The following CSMD1 variants were observed in gnomAD, a reference collection of about 807,000 sequenced individuals.
CSMD1 encodes the protein CUB and sushi domain-containing protein 1.
CSMD1 carries 213 observed loss-of-function variants against 417.5 expected under a neutral mutation model. The observed-to-expected ratio is 0.51, with a 90% CI of 0.46 to 0.57. The LOEUF (loss-of-function observed/expected upper bound fraction) is 0.57. Ranked by LOEUF, CSMD1 falls within the 20% of genes least tolerant of loss-of-function variation. The pLI is 0.00. For synonymous variants in CSMD1, 2,862 were observed against 1,736.8 expected (o/e 1.65, Z -16.11); for missense variants, 6,923 against 4,529.7 (o/e 1.53, Z -15.17).
At chr8:4,791,090 G>GACGGTGAGAAGAA (rs1245801530) in intron 1 of CSMD1, among the ~76,000 whole-genome samples, 2 of 147,790 alleles carry the variant, frequency 1.4e-5, no homozygotes, top group African/African-American at 4.9e-5. Context: ...CGGTGAGAGA[G>GACGGTGAGAAGAA]ACGGTGAGAA....
intron 3 of CSMD1, among the ~76,000 whole-genome samples, chr8:4,212,136 C>A (rs980650498): frequency 2.0e-5 from 3 of 150,740 alleles, no homozygotes; most frequent in Admixed American, 6.6e-5. Flanking sequence ...GAAGAAGTGT[C>A]CTTTATTATG....
At chr8:3,968,865 A>G (rs780630774) in intron 5 of CSMD1, among the ~76,000 whole-genome samples, 17 of 152,230 alleles carry the variant, frequency 1.1e-4, no homozygotes, top group Non-Finnish European at 2.2e-4. Context: ...ATCACACATC[A>G]TCTTTTCTTG....
intron 7 of CSMD1, among the ~76,000 whole-genome samples, chr8:3,674,305 C>T (rs992524191): frequency 6.6e-6 from 1 of 152,092 alleles, no homozygotes; most frequent in Non-Finnish European, 1.5e-5. Context: ...CCCAAAATAC[C>T]ACATTCTTTG....
intron 11 of CSMD1, among the ~76,000 whole-genome samples, chr8:3,492,575 G>A (rs984178389): frequency 6.6e-6 from 1 of 152,228 alleles, no homozygotes; most frequent in African/African-American, 2.4e-5. Flanking sequence ...AAAACAGAGA[G>A]GAAGTACACC....
chr8:4,880,653 A>G (rs1481294948), intron 1 of CSMD1, among the ~76,000 whole-genome samples: 1 of 152,050 alleles, frequency 6.6e-6, no homozygotes, highest in Non-Finnish European at 1.5e-5. Flanking sequence ...CGATGAAGCA[A>G]TCGGAAGTGG....
intron 3 of CSMD1, among the ~76,000 whole-genome samples, chr8:4,174,186 G>T (rs1444189200): frequency 6.6e-6 from 1 of 152,150 alleles, no homozygotes. Context: ...TTAAACTACT[G>T]AGGAAAACCC....
At chr8:4,788,503 A>G (rs1563387091) in intron 1 of CSMD1, 1 of 1,370,154 alleles carries the variant, frequency 7.3e-7, no homozygotes, top group Non-Finnish European at 1.0e-6. Context: ...ACCATTTAGT[A>G]TGGAGCAAAC....
intron 2 of CSMD1, among the ~76,000 whole-genome samples, chr8:4,593,845 T>C (rs567039275): frequency 4.6e-5 from 7 of 152,168 alleles, no homozygotes; most frequent in Non-Finnish European, 8.8e-5. Flanking sequence ...TTTGCTAAGA[T>C]TGCCTGTAAC....
intron 7 of CSMD1, among the ~76,000 whole-genome samples, chr8:3,645,385 G>A (rs1797525252): frequency 6.6e-6 from 1 of 152,236 alleles, no homozygotes; most frequent in Non-Finnish European, 1.5e-5. Context: ...CCAGATTGGG[G>A]TTGAAGCTCG....
chr8:4,982,337 G>C (rs750030006), intron 1 of CSMD1, among the ~76,000 whole-genome samples: 1 of 152,202 alleles, frequency 6.6e-6, no homozygotes, highest in Admixed American at 6.5e-5. Flanking sequence ...ATGTAGCTCT[G>C]TTTTCTAGCT....
intron 6 of CSMD1, among the ~76,000 whole-genome samples, chr8:3,719,190 C>T (rs1274924890): frequency 1.3e-5 from 2 of 152,076 alleles, no homozygotes; most frequent in African/African-American, 4.8e-5. Context: ...ACTATAATTT[C>T]CCAAATTTCC....
intron 52 of CSMD1, among the ~76,000 whole-genome samples, chr8:3,005,088 G>A (rs936528652): frequency 6.6e-6 from 1 of 152,138 alleles, no homozygotes; most frequent in Non-Finnish European, 1.5e-5. Context: ...GCAGTGAGCC[G>A]AGATTGCACC....
chr8:3,885,565 A>T (rs1462463732), intron 5 of CSMD1, among the ~76,000 whole-genome samples: 2 of 152,198 alleles, frequency 1.3e-5, no homozygotes, highest in African/African-American at 4.8e-5. Context: ...CCACCTAGTA[A>T]TGAAATTAGG....
intron 1 of CSMD1, among the ~76,000 whole-genome samples, chr8:4,744,446 C>G (rs561704012): frequency 4.9e-4 from 75 of 152,296 alleles, no homozygotes; most frequent in African/African-American, 1.7e-3. Context: ...GGGTCTGCGG[C>G]ACTGTCCCAA....
rs767151796 is a variant in CSMD1, at chr8:3,018,553, G to C, written c.7953C>G (p.Gly2651=). The C allele has an allele frequency of 1.2e-6, 2 of 1,613,544 alleles. No individual in the cohort carries two copies. The highest frequency in any genetic ancestry group is 2.7e-5 in the African/African-American group (2 of 74,816). Residue 2651 remains glycine (G), a synonymous_variant, in exon 52 of 70, where the codon GGC becomes GGG. Transcript: ENST00000635120. ...TGACATGAGACCCCACAAGCGTGTA[G>C]CCGGTGTTGCACGTAAATATAGCTG... ...GATAIFTCNT[G]YTLVGSHVRE...
intron 2 of CSMD1, among the ~76,000 whole-genome samples, chr8:4,610,549 T>C (rs183014359): frequency 1.3e-4 from 20 of 152,280 alleles, no homozygotes; most frequent in Admixed American, 7.2e-4. Context: ...GGAGGTATCA[T>C]GTTTGCCGTT....
intron 2 of CSMD1, among the ~76,000 whole-genome samples, chr8:4,456,912 CCCA>C (rs1799522035): frequency 6.6e-6 from 1 of 151,536 alleles, no homozygotes. Flanking sequence ...CCAGTTTCCA[CCCA>C]CCAACTGTTT....
intron 5 of CSMD1, among the ~76,000 whole-genome samples, chr8:3,935,304 A>G (rs938433496): frequency 2.0e-5 from 3 of 152,246 alleles, no homozygotes; most frequent in Non-Finnish European, 4.4e-5. Flanking sequence ...ACTCCATATC[A>G]GCATGAAACA....
intron 1 of CSMD1, among the ~76,000 whole-genome samples, chr8:4,979,498 G>A (rs1015579950): frequency 2.0e-5 from 3 of 152,146 alleles, no homozygotes; most frequent in African/African-American, 7.2e-5. Context: ...AAAGCTAAGG[G>A]AAATTATTTC....
Sources: allele counts gnomAD v4.1 joint callset (sites outside exome capture counted in the v4.1 genomes callset), GRCh38; gene constraint gnomAD v4.1.1; transcripts MANE v1.5; gene names NCBI Gene and HGNC (gene_info 2026-07-23, HGNC 2026-07-21).